The following ZDHHC3 variants were observed in gnomAD, a reference collection of about 807,000 sequenced individuals.
The protein encoded by ZDHHC3 is zDHHC palmitoyltransferase 3.
Under a neutral mutation model 30.6 loss-of-function variants are expected in ZDHHC3, and 9 were observed. That is an observed-to-expected ratio of 0.29 (90% CI 0.18 to 0.51). The LOEUF (loss-of-function observed/expected upper bound fraction) is 0.51, where lower values mean the gene tolerates loss of function less well. ZDHHC3 is among the 20% of genes least tolerant of loss of function. The pLI is 0.97. For synonymous variants in ZDHHC3, 136 were observed against 140.2 expected (o/e 0.97, Z 0.21); for missense variants, 246 against 384.2 (o/e 0.64, Z 3.01).
In ZDHHC3 at chr3:44,922,700, G is replaced by A; in HGVS notation, c.*3989C>T. 4 of 985,282 alleles carry A rather than the reference G, an allele frequency of 4.1e-6. No individual in the cohort carries two copies. Among genetic ancestry groups the A allele is most frequent in the Non-Finnish European group, 4.8e-6 (4 of 829,826 alleles). 61.0% of individuals were successfully genotyped at this position (985,282 alleles called of 1,614,324 possible). On this transcript the variant is annotated 3_prime_UTR_variant, in exon 7 of 7. Transcript: ENST00000424952. Reference sequence around the variant, plus strand: ...TCAAACTTGATAGTCAGAATCACCTGGAGGGCTGTTAAGACACGGGCTGCT... The same window carrying A: ...TCAAACTTGATAGTCAGAATCACCTAGAGGGCTGTTAAGACACGGGCTGCT...
chr3:44,972,403 C>T (rs767561385), intron 1 of ZDHHC3, among the ~76,000 whole-genome samples: 5 of 152,194 alleles, frequency 3.3e-5, no homozygotes, highest in Non-Finnish European at 5.9e-5. Flanking sequence ...GCGGAGGTTG[C>T]GGTGAGCAGA....
chr3:44,924,003 T>C lies in ZDHHC3; in HGVS notation c.*2686A>G, dbSNP rs1700797774. 1.4e-5 allele frequency: 14 copies of C among 985,386 alleles called. No individual in the cohort carries two copies. The highest frequency in any genetic ancestry group is 1.4e-5 in the Non-Finnish European group (12 of 829,924). The allele number at this position is 985,386 out of a possible 1,614,324, so 61.0% of individuals were successfully genotyped here. A position where few individuals can be genotyped will look rare whatever the true frequency, so the allele number is the denominator to read the frequency against. ...TGCTATGAACACAAACCTGACAGAG[T>C]TGACAGAAGGAAAGCAAGCTGGGGA... On this transcript the variant is annotated 3_prime_UTR_variant, in exon 7 of 7. Transcript: ENST00000424952.
chr3:44,942,320 G>A (rs922806817), intron 3 of ZDHHC3, among the ~76,000 whole-genome samples: 1 of 152,234 alleles, frequency 6.6e-6, no homozygotes, highest in African/African-American at 2.4e-5. Flanking sequence ...GATGGCCTGG[G>A]CCACCACGCA....
intron 2 of ZDHHC3, chr3:44,958,502 C>A: frequency 8.3e-7 from 1 of 1,206,080 alleles, no homozygotes. Context: ...CCAGGGTGCA[C>A]AAACATTCAA....
chr3:44,958,715 T>C (rs770325588), intron 2 of ZDHHC3: 35 of 1,518,254 alleles, frequency 2.3e-5, no homozygotes, highest in Middle Eastern at 3.4e-4. Context: ...TAATTTCAAG[T>C]CCACCTAGCT....
intron 2 of ZDHHC3, among the ~76,000 whole-genome samples, chr3:44,950,813 T>C (rs1703381616): frequency 1.3e-5 from 2 of 152,244 alleles, no homozygotes; most frequent in African/African-American, 4.8e-5. Flanking sequence ...TTTACAATCC[T>C]GGACAGACAG....
intron 1 of ZDHHC3, among the ~76,000 whole-genome samples, chr3:44,968,809 G>C (rs1160566163): frequency 6.6e-6 from 1 of 152,152 alleles, no homozygotes; most frequent in East Asian, 1.9e-4. Flanking sequence ...AATCAGACTT[G>C]GGCCCTCAAA....
At chr3:44,960,969 G>A (rs910134400) in intron 1 of ZDHHC3, among the ~76,000 whole-genome samples, 3 of 152,356 alleles carry the variant, frequency 2.0e-5, no homozygotes, top group South Asian at 2.1e-4. Flanking sequence ...TCCTCCCAAG[G>A]TGGCAGAGAA....
At position 44,917,848 on chromosome 3, in the gene ZDHHC3, A is replaced by G. The variant is rs1306790661; in HGVS notation, c.*8841T>C. On this transcript the variant is annotated 3_prime_UTR_variant, in exon 7 of 7. Coordinates refer to ENST00000424952, the MANE Select transcript of ZDHHC3 (RefSeq NM_001135179.2). ...CCCTTTAGCCAAAACCCCAGGATGA[A>G]GGTTGACAGCACTTTTTAGTGTTTG... 1 of 1,285,482 alleles carries G rather than the reference A, an allele frequency of 7.8e-7. No individual in the cohort carries two copies. The highest frequency in any genetic ancestry group is 5.6e-5 in the East Asian group (1 of 17,914). The allele number at this position is 1,285,482 out of a possible 1,614,324, so 79.6% of individuals were successfully genotyped here.
Position 44,929,351 on chromosome 3 carries a change from T to C in ZDHHC3, c.696A>G (p.Ser232=). Reference sequence around the variant, plus strand: ...AGTGCACCTGGGTCCCAAACATCACTGATGTGAAAATGAGGAAGAGCAGGC... The same window carrying C: ...AGTGCACCTGGGTCCCAAACATCACCGATGTGAAAATGAGGAAGAGCAGGC... ...FEGLLFLIFT[S]VMFGTQVHSI... Residue 232 remains serine, a synonymous_variant, in exon 6 of 7, where the codon TCA becomes TCG. Coordinates refer to ENST00000424952, the MANE Select transcript of ZDHHC3 (RefSeq NM_001135179.2). 1 of 1,614,072 alleles carries C rather than the reference T, an allele frequency of 6.2e-7. No homozygotes were observed. The highest frequency in any genetic ancestry group is 8.5e-7 in the Non-Finnish European group (1 of 1,179,972).
In ZDHHC3 at chr3:44,916,244, G is replaced by A. The variant is rs1700156168; in HGVS notation, c.*10445C>T. Reference sequence around the variant, plus strand: ...GGCAGAGGTGGCTTTGTGAACACTGGGCCCTTTGAGCAATTAACCCCAGGC... The same window carrying A: ...GGCAGAGGTGGCTTTGTGAACACTGAGCCCTTTGAGCAATTAACCCCAGGC... On this transcript the variant is annotated 3_prime_UTR_variant, in exon 7 of 7. Coordinates refer to ENST00000424952, the MANE Select transcript of ZDHHC3 (RefSeq NM_001135179.2). 6.6e-6 allele frequency: 1 copy of A among 152,176 alleles called. No individual in the cohort carries two copies. The highest frequency in any genetic ancestry group is 2.4e-5 in the African/African-American group (1 of 41,418). 9.4% of individuals were successfully genotyped at this position (152,176 alleles called of 1,614,324 possible).
In ZDHHC3 at chr3:44,924,632, A is replaced by C. The variant is rs1422402553; in HGVS notation, c.*2057T>G. ...GAGAAATGCCAGGGGAAAAGAGCTAACCTGGCTCACTTTAAAAAATGCCCT... is the reference window on the plus strand; with the variant it reads ...GAGAAATGCCAGGGGAAAAGAGCTACCCTGGCTCACTTTAAAAAATGCCCT... On this transcript the variant is annotated 3_prime_UTR_variant, in exon 7 of 7. Transcript: ENST00000424952. The C allele has an allele frequency of 6.1e-6, 6 of 985,356 alleles. No homozygotes were observed. The highest frequency in any genetic ancestry group is 7.2e-6 in the Non-Finnish European group (6 of 829,948). 61.0% of individuals were successfully genotyped at this position (985,356 alleles called of 1,614,324 possible).
rs187596205 is a variant in ZDHHC3 at position 44,926,062 on chromosome 3, G to A, written c.*627C>T. The A allele has an allele frequency of 3.6e-5, 35 of 985,728 alleles. No homozygotes were observed. The East Asian group carries it at 7.9e-4, about 22-fold the overall frequency. 61.1% of individuals were successfully genotyped at this position (985,728 alleles called of 1,614,324 possible). A position where few individuals can be genotyped will look rare whatever the true frequency, so the allele number is the denominator to read the frequency against. ...CTTTCATCTTTCTCCCCACTCCCCC[G>A]CAAAATCATTCTACACACCCCAAGC... On this transcript the variant is annotated 3_prime_UTR_variant, in exon 7 of 7. Transcript: ENST00000424952.
At chr3:44,955,725 G>T (rs987940769) in intron 2 of ZDHHC3, among the ~76,000 whole-genome samples, 2 of 152,048 alleles carry the variant, frequency 1.3e-5, no homozygotes, top group Middle Eastern at 3.2e-3. Flanking sequence ...TTCCAACTCT[G>T]CTCCTTGGAA....
chr3:44,961,273 TC>T (rs1429770985), intron 1 of ZDHHC3, among the ~76,000 whole-genome samples: 1 of 152,136 alleles, frequency 6.6e-6, no homozygotes, highest in African/African-American at 2.4e-5. Context: ...TCGCCTGTAG[TC>T]CCAGCTACTG....
chr3:44,929,689 C>T (rs1701320104), intron 5 of ZDHHC3, among the ~76,000 whole-genome samples: 1 of 152,196 alleles, frequency 6.6e-6, no homozygotes. Flanking sequence ...CAAATCATTC[C>T]TTGTTCACTG....
chr3:44,926,267 G>A lies in ZDHHC3; in HGVS notation c.*422C>T. The A allele has an allele frequency of 1.0e-6, 1 of 988,218 alleles. No homozygotes were observed. The highest frequency in any genetic ancestry group is 1.2e-6 in the Non-Finnish European group (1 of 831,898). 61.2% of individuals were successfully genotyped at this position (988,218 alleles called of 1,614,324 possible). A position where few individuals can be genotyped will look rare whatever the true frequency, so the allele number is the denominator to read the frequency against. On this transcript the variant is annotated 3_prime_UTR_variant, in exon 7 of 7. Coordinates refer to ENST00000424952, the MANE Select transcript of ZDHHC3 (RefSeq NM_001135179.2). Reference sequence around the variant, plus strand: ...CGGGGAGCCCGCCACTGCCTCCTGGGCAGTGGGAGGTCAGGGCCCTCCTGG... The same window carrying A: ...CGGGGAGCCCGCCACTGCCTCCTGGACAGTGGGAGGTCAGGGCCCTCCTGG...
In ZDHHC3 at chr3:44,959,075, G is replaced by T; in HGVS notation, c.306+56C>A. 6.3e-7 allele frequency: 1 copy of T among 1,593,174 alleles called. No homozygotes were observed. Among genetic ancestry groups the T allele is most frequent in the Non-Finnish European group, 8.6e-7 (1 of 1,166,552 alleles). ...GGGGGAACATGCAGGCTGTGGCCAT[G>T]CCAGAGCCAGAGGAGGAGAGTGTGG... On this transcript the variant is annotated intron_variant, in intron 2 of 6. Coordinates refer to ENST00000424952, the MANE Select transcript of ZDHHC3 (RefSeq NM_001135179.2). The surrounding 1 kb of genome is among the most constrained non-coding windows in gnomAD (Gnocchi z 4.3).
Position 44,937,256 on chromosome 3 carries a change from C to T in ZDHHC3, c.432-3272G>A, listed in dbSNP as rs183170586. Among the ~76,000 whole-genome samples, 6 of 152,004 alleles carry T rather than the reference C, an allele frequency of 3.9e-5. No individual in the cohort carries two copies. In the East Asian group the frequency reaches 1.2e-3, roughly 29 times the overall value. On this transcript the variant is annotated intron_variant, in intron 3 of 6. Coordinates refer to ENST00000424952, the MANE Select transcript of ZDHHC3 (RefSeq NM_001135179.2). ...GCTCAGGAGTTCAAGACAGCCTGGG[C>T]AGCATGGCGAGACCCTGTCTCCAAC...
Sources: gnomAD v4.1 joint callset for allele counts (sites outside exome capture counted in the v4.1 genomes callset) on GRCh38, gnomAD v4.1.1 for gene constraint, Gnocchi (gnomAD v3.1) non-coding constraint, MANE v1.5 for transcripts, NCBI Gene and HGNC (gene_info 2026-07-23, HGNC 2026-07-21) for gene names.